The following JADE3 variants were observed in gnomAD, a reference collection of about 807,000 sequenced individuals.
JADE3 encodes the protein jade family PHD finger 3, also known as protein Jade-3.
JADE3 carries 2 observed loss-of-function variants against 50.1 expected under a neutral mutation model. The ratio of observed to expected loss-of-function variants is 0.04; its 90% CI spans 0.02 to 0.13. The LOEUF (loss-of-function observed/expected upper bound fraction) is 0.13, where lower values mean the gene tolerates loss of function less well. JADE3 is among the 10% of genes least tolerant of loss of function. JADE3 has a pLI of 1.00. For missense variants in JADE3, 475 were observed against 634.4 expected (o/e 0.75, Z 2.70); for synonymous variants, 218 against 232.9 (o/e 0.94, Z 0.58).
In JADE3 at chrX:46,984,838, A is replaced by T; in HGVS notation, c.-11-46A>T. 3 of 1,008,637 alleles carry T rather than the reference A, an allele frequency of 3.0e-6. No individual in the cohort carries two copies. The South Asian group carries it at 5.8e-5, about 19-fold the overall frequency. The allele number at this position is 1,008,637 out of a possible 1,213,427, so 83.1% of individuals were successfully genotyped here. A position where few individuals can be genotyped will look rare whatever the true frequency, so the allele number is the denominator to read the frequency against. On this transcript the variant is annotated intron_variant, in intron 1 of 10. Transcript: ENST00000614628. ...GGGACAGTGTTGACTGCCCTCTGGG[A>T]TGGGTGTGTGTGAACTGTTTTATTC...
At chrX:46,968,177 T>C (rs1314535335) in intron 1 of JADE3, among the ~76,000 whole-genome samples, 1 of 112,213 alleles carries the variant, frequency 8.9e-6, no homozygotes, top group Admixed American at 9.5e-5. Flanking sequence ...AATTAATACT[T>C]TCCAGATATG....
chrX:46,942,515 G>A (rs1007510843), intron 1 of JADE3, among the ~76,000 whole-genome samples: 1 of 111,345 alleles, frequency 9.0e-6, no homozygotes, highest in African/African-American at 3.3e-5. Context: ...GATAGTTGTA[G>A]GTGTGTGGCT....
At chrX:47,006,971 TTTTTC>T (rs1246823543) in intron 4 of JADE3, among the ~76,000 whole-genome samples, 1 of 110,191 alleles carries the variant, frequency 9.1e-6, no homozygotes, top group African/African-American at 3.3e-5. Context: ...TTTCTTTTTT[TTTTTC>T]TTTTCTTTTA....
chrX:46,990,710 G>C (rs1412872074), intron 3 of JADE3, among the ~76,000 whole-genome samples: 2 of 111,097 alleles, frequency 1.8e-5, no homozygotes, highest in African/African-American at 3.3e-5. Flanking sequence ...TATAATTCTT[G>C]TAGCATACAA....
At chrX:46,966,550 G>A (rs782546476) in intron 1 of JADE3, among the ~76,000 whole-genome samples, 17 of 111,343 alleles carry the variant, frequency 1.5e-4, no homozygotes, top group African/African-American at 5.5e-4. Context: ...GGAAGCCAAA[G>A]GAGTAGTTTC....
chrX:47,009,003 G>A (rs1928499177), intron 4 of JADE3, among the ~76,000 whole-genome samples: 1 of 110,519 alleles, frequency 9.0e-6, no homozygotes, highest in South Asian at 3.8e-4. Context: ...AAGTAGAGAT[G>A]AGTATATGTA....
chrX:46,999,571 TAG>T (rs1309195310), intron 4 of JADE3, among the ~76,000 whole-genome samples: 2 of 106,649 alleles, frequency 1.9e-5, no homozygotes, highest in African/African-American at 6.9e-5. Flanking sequence ...GCCAAAAACA[TAG>T]AGTTTGTAAA....
chrX:46,971,566 C>T (rs1927493409), intron 1 of JADE3, among the ~76,000 whole-genome samples: 2 of 107,555 alleles, frequency 1.9e-5, no homozygotes, highest in African/African-American at 3.4e-5. Flanking sequence ...AAGGCTGAGG[C>T]GGGCAGATCA....
intron 1 of JADE3, among the ~76,000 whole-genome samples, chrX:46,980,664 A>T (rs1166605971): frequency 1.3e-4 from 14 of 111,323 alleles, no homozygotes; most frequent in African/African-American, 4.6e-4. Flanking sequence ...CAAGTCTGAG[A>T]ACTCTTTGCT....
intron 4 of JADE3, among the ~76,000 whole-genome samples, chrX:47,007,461 T>C (rs1189415742): frequency 1.8e-5 from 2 of 111,947 alleles, no homozygotes; most frequent in Admixed American, 1.9e-4. Context: ...CACTGTTGTT[T>C]GGTGCACACA....
chrX:47,034,639 A>G (rs1427988634), intron 7 of JADE3, among the ~76,000 whole-genome samples: 4 of 109,997 alleles, frequency 3.6e-5, no homozygotes, highest in Non-Finnish European at 7.6e-5. Context: ...TCGCTCTGTC[A>G]CCCAGGCTGG....
intron 4 of JADE3, among the ~76,000 whole-genome samples, chrX:47,018,339 CTT>C (rs782308666): frequency 1.9e-5 from 2 of 103,537 alleles, no homozygotes; most frequent in Admixed American, 1.0e-4. Flanking sequence ...AGAGCACTTT[CTT>C]TTTTTTTTTT....
chrX:46,929,570 A>G (rs1926448825), intron 1 of JADE3, among the ~76,000 whole-genome samples: 1 of 111,449 alleles, frequency 9.0e-6, no homozygotes, highest in Admixed American at 9.5e-5. Flanking sequence ...TGCAGACTCA[A>G]AAGGCTTTTT....
At chrX:47,033,392 T>TAAC (rs1956494605) in intron 6 of JADE3, among the ~76,000 whole-genome samples, 1 of 112,222 alleles carries the variant, frequency 8.9e-6, no homozygotes, top group African/African-American at 3.2e-5. Context: ...CGTCTTGTTC[T>TAAC]ATCATCCTTA....
intron 4 of JADE3, among the ~76,000 whole-genome samples, chrX:47,012,757 CATTTA>C (rs1172626745): frequency 9.0e-6 from 1 of 110,598 alleles, no homozygotes. Flanking sequence ...TTGGCTATTA[CATTTA>C]GGTCTTTGAT....
chrX:46,941,280 G>T (rs1178173982), intron 1 of JADE3, among the ~76,000 whole-genome samples: 2 of 111,705 alleles, frequency 1.8e-5, no homozygotes, highest in African/African-American at 6.5e-5. Flanking sequence ...GTATTCTATG[G>T]TATATAAGTA....
chrX:46,982,320 C>T (rs1927773382), intron 1 of JADE3, among the ~76,000 whole-genome samples: 1 of 111,009 alleles, frequency 9.0e-6, no homozygotes, highest in African/African-American at 3.3e-5. Flanking sequence ...ATTTTTTATA[C>T]TTCCTATTTC....
chrX:47,038,671 AAG>A (rs1556368673), intron 7 of JADE3, among the ~76,000 whole-genome samples: 3,692 of 100,755 alleles, frequency 0.037, 249 homozygotes, highest in African/African-American at 0.14. Context: ...AAAAAAAAAA[AAG>A]AAGAAAGAAA....
chrX:47,037,614 G>C (rs1489589307), intron 7 of JADE3, among the ~76,000 whole-genome samples: 2 of 111,137 alleles, frequency 1.8e-5, no homozygotes, highest in African/African-American at 6.6e-5. Context: ...AGCAAGACCT[G>C]GTCTCTACAA....
Sources: allele counts gnomAD v4.1 joint callset (sites outside exome capture counted in the v4.1 genomes callset), GRCh38; gene constraint gnomAD v4.1.1; transcripts MANE v1.5; gene names NCBI Gene and HGNC (gene_info 2026-07-23, HGNC 2026-07-21).